Variants in IGSF10 observed in about 807,000 individuals in gnomAD.
The protein encoded by IGSF10 is calvaria mechanical force protein 608.
IGSF10 carries 126 observed loss-of-function variants against 128.2 expected under a neutral mutation model. That is an observed-to-expected ratio of 0.98 (90% CI 0.85 to 1.14). The LOEUF (loss-of-function observed/expected upper bound fraction) is 1.14, where lower values mean the gene tolerates loss of function less well. Ranked by LOEUF, IGSF10 falls within the 50% of genes most tolerant of loss-of-function variation. IGSF10 has a pLI of 0.00. For synonymous variants in IGSF10, 1,185 were observed against 1,146.2 expected, an observed-to-expected ratio of 1.03 and a Z score of -0.68; for missense variants, 3,295 against 3,149.8, an observed-to-expected ratio of 1.05 and a Z score of -1.10.
At chr3:151,517,174 C>T in the IGSF10 span, among the ~76,000 whole-genome samples, 3 of 151,752 alleles carry the variant, frequency 2.0e-5, no homozygotes, top group South Asian at 6.2e-4. Flanking sequence ...GAAAGTTATG[C>T]CAAATAATAG....
At chr3:151,548,330 T>C in the IGSF10 span, among the ~76,000 whole-genome samples, 1 of 152,104 alleles carries the variant, frequency 6.6e-6, no homozygotes, top group African/African-American at 2.4e-5. Flanking sequence ...AAATGCTAAA[T>C]ATATGAGTGA....
At chr3:151,461,077 G>A (rs776232765), upstream of IGSF10, 6 of 985,320 alleles carry the variant, frequency 6.1e-6, no homozygotes, top group African/African-American at 3.5e-5. Flanking sequence ...CGGAGCGAGG[G>A]CGGGGGATGA....
At chr3:151,494,668 A>G in the IGSF10 span, among the ~76,000 whole-genome samples, 3 of 152,156 alleles carry the variant, frequency 2.0e-5, no homozygotes, top group African/African-American at 7.2e-5. Flanking sequence ...TTATCACTTC[A>G]TATTGAAAAT....
At chr3:151,525,380 GTTTAAGA>G in the IGSF10 span, among the ~76,000 whole-genome samples, 2 of 152,086 alleles carry the variant, frequency 1.3e-5, no homozygotes, top group African/African-American at 4.8e-5. Flanking sequence ...TAAGATTTTT[GTTTAAGA>G]TAGAGTAGCA....
chr3:151,559,667 G>A, the IGSF10 span, among the ~76,000 whole-genome samples: 2 of 152,254 alleles, frequency 1.3e-5, no homozygotes, highest in South Asian at 2.1e-4. Context: ...TGTGGTTGTT[G>A]AAAAGGTAGG....
intron 7 of IGSF10, among the ~76,000 whole-genome samples, chr3:151,439,506 C>T (rs1036989944): frequency 4.6e-5 from 7 of 152,106 alleles, no homozygotes; most frequent in African/African-American, 1.4e-4. Context: ...CCCAGCTACT[C>T]GGGAGGCTAA....
chr3:151,583,034 A>G, the IGSF10 span, among the ~76,000 whole-genome samples: 1 of 151,948 alleles, frequency 6.6e-6, no homozygotes, highest in African/African-American at 2.4e-5. Flanking sequence ...TCTTGCATCT[A>G]CTGAGATCTG....
chr3:151,454,169 C>T (rs1316073832), intron 4 of IGSF10, among the ~76,000 whole-genome samples: 1 of 151,932 alleles, frequency 6.6e-6, no homozygotes, highest in Non-Finnish European at 1.5e-5. Flanking sequence ...AGGTGCCCAC[C>T]ACCATGCCCA....
chr3:151,592,109 C>T, the IGSF10 span, among the ~76,000 whole-genome samples: 1 of 152,004 alleles, frequency 6.6e-6, no homozygotes, highest in Non-Finnish European at 1.5e-5. Context: ...AATCTTGGCT[C>T]AAAATTTTAC....
At chr3:151,526,230 T>C in the IGSF10 span, among the ~76,000 whole-genome samples, 1 of 152,198 alleles carries the variant, frequency 6.6e-6, no homozygotes, top group Non-Finnish European at 1.5e-5. Flanking sequence ...GTTATTTTTC[T>C]TGTCAGAGCT....
the IGSF10 span, among the ~76,000 whole-genome samples, chr3:151,607,444 T>C: frequency 6.6e-6 from 1 of 151,972 alleles, no homozygotes; most frequent in Non-Finnish European, 1.5e-5. Context: ...TGTCCACACC[T>C]TGGGCGTTTA....
the IGSF10 span, among the ~76,000 whole-genome samples, chr3:151,556,480 C>G: frequency 6.6e-6 from 1 of 151,738 alleles, no homozygotes; most frequent in African/African-American, 2.4e-5. Context: ...ATATTGAAGT[C>G]ATGCAAAAAA....
rs1233019497 is a variant in IGSF10, at chr3:151,437,541, T to C, written c.7020A>G (p.Arg2340=). ...VLEMLRRPTF[R]NPFNEKIVAQ... is the part of the protein sequence containing the mutation. ...CAACTATTTTTTCATTAAATGGATT[T>C]CTAAATGTCGGTCTTCTCAGCATTT... Residue 2340 remains arginine, a synonymous_variant, in exon 8 of 8, where the codon AGA becomes AGG. Transcript: ENST00000282466. 15 of 1,614,108 alleles carry C rather than the reference T, an allele frequency of 9.3e-6. No individual in the cohort carries two copies. Among genetic ancestry groups the C allele is most frequent in the Non-Finnish European group, 8.5e-7 (1 of 1,180,048 alleles).
the IGSF10 span, among the ~76,000 whole-genome samples, chr3:151,504,331 A>T: frequency 2.0e-5 from 3 of 152,214 alleles, no homozygotes; most frequent in Non-Finnish European, 4.4e-5. Context: ...GTTTCATCAT[A>T]GAGTTGGGAA....
the IGSF10 span, among the ~76,000 whole-genome samples, chr3:151,529,735 T>A: frequency 1.3e-5 from 2 of 152,056 alleles, no homozygotes; most frequent in Non-Finnish European, 2.9e-5. Context: ...AGGTAGATAA[T>A]TCCACGAAGA....
chr3:151,509,075 T>C, the IGSF10 span, among the ~76,000 whole-genome samples: 3 of 152,172 alleles, frequency 2.0e-5, no homozygotes, highest in African/African-American at 7.2e-5. Context: ...TTTAAGAAGA[T>C]TCATGAAAGG....
chr3:151,505,833 A>G, the IGSF10 span, among the ~76,000 whole-genome samples: 1 of 152,340 alleles, frequency 6.6e-6, no homozygotes, highest in East Asian at 1.9e-4. Flanking sequence ...AAAAAATTAA[A>G]CCTGCTAATC....
Position 151,443,335 on chromosome 3 carries a change from T to C in IGSF10, c.5612A>G (p.Gln1871Arg). ...KLPCTAKGTP[Q>R]PSVYWVLSDG... ...AGAGAGGACCCAGTAAACGCTGGGC[T>C]GAGGAGTTCCTTTTGCAGTACAGGG... Residue 1871 changes from glutamine to arginine, a missense_variant, in exon 7 of 8, where the codon CAG (glutamine) becomes CGG (arginine). Gln to Arg is a conservative substitution (Grantham distance 43, BLOSUM62 1). Coordinates refer to ENST00000282466, the MANE Select transcript of IGSF10 (RefSeq NM_178822.5). 1 of 1,614,236 alleles carries C rather than the reference T, an allele frequency of 6.2e-7. No homozygotes were observed. The highest frequency in any genetic ancestry group is 1.1e-5 in the South Asian group (1 of 91,086).
At position 151,437,145 on chromosome 3, in the gene IGSF10, A is replaced by C. The variant is rs749080270; in HGVS notation, c.7416T>G (p.Tyr2472Ter). 4 of 1,614,208 alleles carry C rather than the reference A, an allele frequency of 2.5e-6. No individual in the cohort carries two copies. Among genetic ancestry groups the C allele is most frequent in the Non-Finnish European group, 3.4e-6 (4 of 1,180,028 alleles). The stretch of plus-strand genomic sequence containing the variant: ...CATTAATTTGAGGCCTGTCTACTAC[A>C]TAACCACTTGGCATAGTCCATTTGA... ...PNIKWTMPSG[Y>*]VVDRPQINGK... The change falls in exon 8 of 8, where the codon TAT becomes TAG. Residue 2472 changes from tyrosine (Y) to a stop codon, truncating the protein, a stop_gained. Coordinates refer to ENST00000282466, the MANE Select transcript of IGSF10 (RefSeq NM_178822.5). LOFTEE classifies it low-confidence loss of function (END_TRUNC).
Sources: gnomAD v4.1 joint callset for allele counts (sites outside exome capture counted in the v4.1 genomes callset) on GRCh38, gnomAD v4.1.1 for gene constraint, MANE v1.5 for transcripts, NCBI Gene and HGNC (gene_info 2026-07-23, HGNC 2026-07-21) for gene names.